CDH4: variants seen among roughly 807,000 people sequenced by gnomAD.
CDH4 encodes the protein cadherin 4.
CDH4 carries 33 observed loss-of-function variants against 86.0 expected under a neutral mutation model. The ratio of observed to expected loss-of-function variants is 0.38; its 90% CI spans 0.29 to 0.51. The LOEUF (loss-of-function observed/expected upper bound fraction) is 0.51. Among genes scored for constraint, CDH4 ranks in the 20% least tolerant of loss-of-function variants. CDH4 has a pLI of 0.86. For missense variants in CDH4, 1,114 were observed against 1,307.4 expected (o/e 0.85, Z 2.28); for synonymous variants, 555 against 549.4 (o/e 1.01, Z -0.14).
At chr20:61,505,656 G>A (rs2085735096) in intron 2 of CDH4, among the ~76,000 whole-genome samples, 1 of 143,074 alleles carries the variant, frequency 7.0e-6, no homozygotes. Flanking sequence ...ATTCTTTCCT[G>A]TAGAATCCAT....
chr20:61,785,588 C>T (rs552497567), intron 4 of CDH4, among the ~76,000 whole-genome samples: 83 of 151,984 alleles, frequency 5.5e-4, no homozygotes, highest in African/African-American at 1.9e-3. Context: ...CACCCAGGTG[C>T]GCAGAGCCCT....
At chr20:61,769,955 G>T (rs1238693105) in intron 3 of CDH4, among the ~76,000 whole-genome samples, 1 of 152,196 alleles carries the variant, frequency 6.6e-6, no homozygotes, top group Non-Finnish European at 1.5e-5. Context: ...GGACAGGTGG[G>T]ATGTCTTCAG....
intron 4 of CDH4, among the ~76,000 whole-genome samples, chr20:61,802,940 G>C (rs1321852132): frequency 1.3e-5 from 2 of 152,230 alleles, no homozygotes; most frequent in Non-Finnish European, 2.9e-5. Context: ...TCCGAATTCT[G>C]TTTATCCTGG....
chr20:61,590,287 G>A (rs1281403014), intron 2 of CDH4, among the ~76,000 whole-genome samples: 1 of 152,152 alleles, frequency 6.6e-6, no homozygotes, highest in Non-Finnish European at 1.5e-5. Flanking sequence ...TAGAATACAA[G>A]CCTGAGCTGA....
chr20:61,704,777 C>T (rs1035035674), intron 2 of CDH4, among the ~76,000 whole-genome samples: 2 of 152,128 alleles, frequency 1.3e-5, no homozygotes, highest in African/African-American at 4.8e-5. Context: ...GGGGTGGCGC[C>T]GCTCTGGGCA....
chr20:61,496,082 G>A lies in CDH4; in HGVS notation c.169+241145G>A, dbSNP rs572921316. On this transcript the variant is annotated intron_variant, in intron 2 of 15. Transcript: ENST00000614565. ...AGAAAATCTGAGGGAATTGAACAACGGACATCTATATACCCACTGTCTAGA... is the reference window on the plus strand; with the variant it reads ...AGAAAATCTGAGGGAATTGAACAACAGACATCTATATACCCACTGTCTAGA... Among the ~76,000 whole-genome samples the A allele has an allele frequency of 9.9e-5, 15 of 151,826 alleles. No individual in the cohort carries two copies. In the South Asian group the frequency reaches 1.9e-3, roughly 19 times the overall value.
At chr20:61,383,159 T>TA (rs2084915335) in intron 2 of CDH4, among the ~76,000 whole-genome samples, 1 of 88,806 alleles carries the variant, frequency 1.1e-5, no homozygotes, top group Admixed American at 1.1e-4. Context: ...TATGAATATA[T>TA]TATATATATG....
rs1568766180 is a variant in CDH4, at chr20:61,704,000, C to T, written c.170-39563C>T. Among the ~76,000 whole-genome samples, 2 of 152,066 alleles carry T rather than the reference C, an allele frequency of 1.3e-5. No homozygotes were observed. Among genetic ancestry groups the T allele is most frequent in the African/African-American group, 2.4e-5 (1 of 41,486 alleles). On this transcript the variant is annotated intron_variant, in intron 2 of 15. Transcript: ENST00000614565. The surrounding 1 kb of genome is among the most constrained non-coding windows in gnomAD (Gnocchi z 4.3). ...GTCACAGCCGCTGGGAGTGGCCGGGCAGGTGGCTGTGCCCTGTGGGTCCCT... is the reference window on the plus strand; with the variant it reads ...GTCACAGCCGCTGGGAGTGGCCGGGTAGGTGGCTGTGCCCTGTGGGTCCCT...
chr20:61,600,650 G>A (rs984759558), intron 2 of CDH4, among the ~76,000 whole-genome samples: 1 of 152,136 alleles, frequency 6.6e-6, no homozygotes, highest in African/African-American at 2.4e-5. Flanking sequence ...CGCCCCCAGG[G>A]GTATTAAAAT....
intron 2 of CDH4, among the ~76,000 whole-genome samples, chr20:61,351,915 C>T (rs1466910262): frequency 1.3e-5 from 2 of 152,084 alleles, no homozygotes; most frequent in Non-Finnish European, 2.9e-5. Context: ...CGGGGTTTCA[C>T]CATGTTGGCC....
At chr20:61,865,131 G>T (rs986198881) in intron 6 of CDH4, among the ~76,000 whole-genome samples, 3 of 150,648 alleles carry the variant, frequency 2.0e-5, no homozygotes, top group Non-Finnish European at 4.4e-5. Context: ...CAACAGCTCT[G>T]CCAGGTACCC....
At chr20:61,559,960 C>T (rs2086204529) in intron 2 of CDH4, among the ~76,000 whole-genome samples, 1 of 152,186 alleles carries the variant, frequency 6.6e-6, no homozygotes. Context: ...CTGCCAACCT[C>T]AGAGCACCAC....
At chr20:61,317,729 G>T (rs1415241993) in intron 2 of CDH4, among the ~76,000 whole-genome samples, 1 of 151,906 alleles carries the variant, frequency 6.6e-6, no homozygotes, top group African/African-American at 2.4e-5. Context: ...CTGGGAGCAG[G>T]GACCCCCTTT....
At chr20:61,748,094 G>T (rs1037040410) in intron 3 of CDH4, among the ~76,000 whole-genome samples, 9 of 151,556 alleles carry the variant, frequency 5.9e-5, no homozygotes, top group African/African-American at 1.5e-4. Flanking sequence ...GGGCGTTGTG[G>T]GGGGGTTGGA....
intron 4 of CDH4, among the ~76,000 whole-genome samples, chr20:61,800,280 G>C (rs1414004632): frequency 6.6e-6 from 1 of 151,278 alleles, no homozygotes; most frequent in Non-Finnish European, 1.5e-5. Flanking sequence ...CCGGCCGCCA[G>C]GGGGGCAGAG....
intron 2 of CDH4, among the ~76,000 whole-genome samples, chr20:61,641,491 C>T (rs1213297772): frequency 1.3e-5 from 2 of 152,358 alleles, no homozygotes; most frequent in Non-Finnish European, 2.9e-5. Context: ...TTTGCCACCT[C>T]AGTTCATTCT....
At chr20:61,348,008 C>T (rs772449907) in intron 2 of CDH4, among the ~76,000 whole-genome samples, 3 of 152,202 alleles carry the variant, frequency 2.0e-5, no homozygotes, top group Admixed American at 6.5e-5. Flanking sequence ...AGACTTTCTT[C>T]TGGGAACAGG....
At chr20:61,715,676 G>A (rs1032390820) in intron 2 of CDH4, among the ~76,000 whole-genome samples, 1 of 152,176 alleles carries the variant, frequency 6.6e-6, no homozygotes, top group Non-Finnish European at 1.5e-5. Flanking sequence ...GGCTCCCTCT[G>A]GTCTGAGACC....
chr20:61,441,718 A>T (rs902303010), intron 2 of CDH4, among the ~76,000 whole-genome samples: 4 of 152,166 alleles, frequency 2.6e-5, no homozygotes, highest in Non-Finnish European at 5.9e-5. Context: ...CTCAATAGAC[A>T]CCAAATCTGC....
Sources: gnomAD v4.1 joint callset for allele counts (sites outside exome capture counted in the v4.1 genomes callset) on GRCh38, gnomAD v4.1.1 for gene constraint, Gnocchi (gnomAD v3.1) non-coding constraint, MANE v1.5 for transcripts, NCBI Gene and HGNC (gene_info 2026-07-23, HGNC 2026-07-21) for gene names.